The following NALCN variants were observed in gnomAD, a reference collection of about 807,000 sequenced individuals.
NALCN encodes the protein sodium leak channel NALCN.
A neutral mutation model predicts 225.3 loss-of-function variants in NALCN; 111 were observed. That is an observed-to-expected ratio of 0.49 (90% CI 0.42 to 0.58). The LOEUF (loss-of-function observed/expected upper bound fraction) is 0.58. NALCN is among the 20% of genes least tolerant of loss of function. NALCN has a pLI of 0.00. For missense variants in NALCN, 1,378 were observed against 2,202.4 expected (o/e 0.63, Z 7.49); for synonymous variants, 764 against 769.0 (o/e 0.99, Z 0.11).
At chr13:101,182,654 T>C (rs375051765) in intron 14 of NALCN, among the ~76,000 whole-genome samples, 228 of 152,252 alleles carry the variant, frequency 1.5e-3, no homozygotes, top group African/African-American at 5.1e-3. Flanking sequence ...GACTTTCAGA[T>C]TGATCCTCAT....
chr13:101,084,002 T>G, intron 30 of NALCN, among the ~76,000 whole-genome samples, 198 bp from the exon 31 acceptor site: 1 of 152,116 alleles, frequency 6.6e-6, no homozygotes. Context: ...GATGACCAGG[T>G]GTTTCAGAGA....
At chr13:101,338,993 C>A (rs2045473068) in intron 7 of NALCN, among the ~76,000 whole-genome samples, 2 of 152,208 alleles carry the variant, frequency 1.3e-5, no homozygotes, top group South Asian at 2.1e-4. Context: ...TCTGTTCCAG[C>A]TCTAAACTTC....
chr13:101,352,773 T>C (rs1340621765), intron 6 of NALCN, among the ~76,000 whole-genome samples: 1 of 152,182 alleles, frequency 6.6e-6, no homozygotes, highest in Non-Finnish European at 1.5e-5. Context: ...TCAAAACATA[T>C]ACCTATGATA....
chr13:101,310,736 C>A (rs1412004974), intron 7 of NALCN, among the ~76,000 whole-genome samples: 1 of 151,958 alleles, frequency 6.6e-6, no homozygotes, highest in Non-Finnish European at 1.5e-5. Flanking sequence ...CATAGTGGGT[C>A]CTCAATAAAC....
chr13:101,245,185 G>C (rs1359201960), intron 11 of NALCN, among the ~76,000 whole-genome samples: 1 of 152,086 alleles, frequency 6.6e-6, no homozygotes, highest in Non-Finnish European at 1.5e-5. Flanking sequence ...GGGCTCATTG[G>C]GACCCTTCTT....
At position 101,089,523 on chromosome 13, in the gene NALCN, A is replaced by G. The variant is rs2034107835; in HGVS notation, c.3489+140T>C. On this transcript the variant is annotated intron_variant, in intron 30 of 43. Coordinates refer to ENST00000251127, the MANE Select transcript of NALCN (RefSeq NM_052867.4). The surrounding 1 kb of genome is among the most constrained non-coding windows in gnomAD (Gnocchi z 4.7). ...GAAAAGCAGCAATGAGGGAGCTTGT[A>G]AAACAGTTATAGAGATTATTTACAC... The G allele has an allele frequency of 2.9e-6, 2 of 689,058 alleles. No individual in the cohort carries two copies. Among genetic ancestry groups the G allele is most frequent in the Non-Finnish European group, 4.8e-6 (2 of 412,816 alleles). The allele number at this position is 689,058 out of a possible 1,614,324, so 42.7% of individuals were successfully genotyped here. A position where few individuals can be genotyped will look rare whatever the true frequency, so the allele number is the denominator to read the frequency against.
At chr13:101,354,799 A>AT (rs1166272635) in intron 6 of NALCN, among the ~76,000 whole-genome samples, 3 of 151,960 alleles carry the variant, frequency 2.0e-5, no homozygotes, top group African/African-American at 4.8e-5. Flanking sequence ...GAGAGAGGCA[A>AT]TTTTTTTTCC....
intron 37 of NALCN, among the ~76,000 whole-genome samples, chr13:101,072,235 C>G (rs1378832652): frequency 6.6e-6 from 1 of 152,182 alleles, no homozygotes; most frequent in East Asian, 1.9e-4. Flanking sequence ...CCTGATAGAC[C>G]TGCTCCACAC....
At chr13:101,213,207 T>C (rs1456360245) in intron 13 of NALCN, among the ~76,000 whole-genome samples, 5 of 152,162 alleles carry the variant, frequency 3.3e-5, no homozygotes, top group Non-Finnish European at 4.4e-5. Context: ...AAGGATTCCC[T>C]ATTTAATAAA....
At chr13:101,166,909 G>A (rs1196913879) in intron 15 of NALCN, among the ~76,000 whole-genome samples, 1 of 152,136 alleles carries the variant, frequency 6.6e-6, no homozygotes, top group African/African-American at 2.4e-5. Context: ...TATAAGGTAA[G>A]GGCCAAACTT....
intron 12 of NALCN, among the ~76,000 whole-genome samples, chr13:101,234,187 C>T (rs1471137318): frequency 6.6e-6 from 1 of 152,230 alleles, no homozygotes; most frequent in East Asian, 1.9e-4. Context: ...ACTTCACATT[C>T]CTTTGTGTAC....
intron 1 of NALCN, among the ~76,000 whole-genome samples, chr13:101,402,437 T>C (rs1245542670): frequency 2.0e-5 from 3 of 152,204 alleles, no homozygotes; most frequent in African/African-American, 7.2e-5. Context: ...TTCATTTCTA[T>C]TGGTATATAC....
intron 15 of NALCN, among the ~76,000 whole-genome samples, chr13:101,149,512 T>C (rs9513856): frequency 0.27 from 41,661 of 152,166 alleles, 6,094 homozygotes; most frequent in Non-Finnish European, 0.32. Flanking sequence ...ATTTTAAATT[T>C]ACTTCTATAG....
intron 1 of NALCN, among the ~76,000 whole-genome samples, chr13:101,406,533 C>A (rs1162405547): frequency 6.6e-6 from 1 of 152,126 alleles, no homozygotes; most frequent in East Asian, 1.9e-4. Flanking sequence ...CTGGTGTTTA[C>A]AAACTCTTGG....
rs141377213 is a variant in NALCN, at chr13:101,228,238, A to C, written c.1626+1155T>G. Among the ~76,000 whole-genome samples, 506 of 152,348 alleles carry C rather than the reference A, an allele frequency of 3.3e-3. 2 individuals are homozygous for C. The highest frequency in any genetic ancestry group is 0.012 in the African/African-American group (486 of 41,586). ...TGGTAGCTAAAATAATAAATTTAGCATAGGATTTTTAAAAAAATCCCTAAA... is the reference window on the plus strand; with the variant it reads ...TGGTAGCTAAAATAATAAATTTAGCCTAGGATTTTTAAAAAAATCCCTAAA... On this transcript the variant is annotated intron_variant, in intron 13 of 43. Coordinates refer to ENST00000251127, the MANE Select transcript of NALCN (RefSeq NM_052867.4).
chr13:101,322,295 T>C (rs1171511608), intron 7 of NALCN, among the ~76,000 whole-genome samples: 2 of 152,192 alleles, frequency 1.3e-5, no homozygotes, highest in African/African-American at 2.4e-5. Context: ...AGTACGTCAA[T>C]GTGAACAATA....
chr13:101,311,605 G>A (rs1466763378), intron 7 of NALCN, among the ~76,000 whole-genome samples: 1 of 151,952 alleles, frequency 6.6e-6, no homozygotes, highest in Non-Finnish European at 1.5e-5. Context: ...TTTTCTGCAT[G>A]TATTGAGATA....
At chr13:101,398,324 G>A (rs1185381011) in intron 2 of NALCN, among the ~76,000 whole-genome samples, 1 of 152,130 alleles carries the variant, frequency 6.6e-6, no homozygotes, top group African/African-American at 2.4e-5. Context: ...TTGGGGGAAG[G>A]ACAAGCACTG....
chr13:101,167,210 C>T lies in NALCN; in HGVS notation c.1839+9090G>A, dbSNP rs183987107. Reference sequence around the variant, plus strand: ...GGCTATTTGGTATCCCTTAAGATTTCGTATGAATTTTAAGATTTCTTTTCT... The same window carrying T: ...GGCTATTTGGTATCCCTTAAGATTTTGTATGAATTTTAAGATTTCTTTTCT... On this transcript the variant is annotated intron_variant, in intron 15 of 43. Coordinates refer to ENST00000251127, the MANE Select transcript of NALCN (RefSeq NM_052867.4). Among the ~76,000 whole-genome samples the T allele has an allele frequency of 1.2e-4, 19 of 152,184 alleles. 1 individual carries two copies. Among genetic ancestry groups the T allele is most frequent in the South Asian group, 4.1e-4 (2 of 4,822 alleles).
Sources: gnomAD v4.1 joint callset for allele counts (sites outside exome capture counted in the v4.1 genomes callset) on GRCh38, gnomAD v4.1.1 for gene constraint, Gnocchi (gnomAD v3.1) non-coding constraint, MANE v1.5 for transcripts, NCBI Gene and HGNC (gene_info 2026-07-23, HGNC 2026-07-21) for gene names.